The following SPATA17 variants were observed in gnomAD, a reference collection of about 807,000 sequenced individuals.
SPATA17 encodes the protein spermatogenesis associated 17, also known as spermatogenesis-associated protein 17.
In SPATA17, 53 loss-of-function variants were observed where a neutral mutation model predicts 62.2. That is an observed-to-expected ratio of 0.85 (90% confidence interval 0.68 to 1.07). The LOEUF is 1.07. Among genes scored for constraint, SPATA17 ranks in the 50% least tolerant of loss-of-function variants. The pLI is 0.00. For synonymous variants in SPATA17, 146 were observed against 146.8 expected, an observed-to-expected ratio of 0.99 and a Z score of 0.04; for missense variants, 466 against 425.5, an observed-to-expected ratio of 1.10 and a Z score of -0.84.
intron 6 of SPATA17, among the ~76,000 whole-genome samples, chr1:217,768,606 C>G (rs1415575324): frequency 6.6e-6 from 1 of 151,772 alleles, no homozygotes; most frequent in Non-Finnish European, 1.5e-5. Flanking sequence ...ATTCTCCTGC[C>G]TCAGCCTCCT....
chr1:217,656,262 A>G (rs1480050983), intron 3 of SPATA17, among the ~76,000 whole-genome samples: 2 of 152,180 alleles, frequency 1.3e-5, no homozygotes, highest in Non-Finnish European at 2.9e-5. Context: ...TGGAATGTGT[A>G]TTTATTTTAA....
intron 5 of SPATA17, among the ~76,000 whole-genome samples, chr1:217,695,775 G>A (rs1183763578): frequency 1.2e-5 from 1 of 84,838 alleles, no homozygotes; most frequent in African/African-American, 5.1e-5. Flanking sequence ...GTGTGCCCCT[G>A]CTGGGGGGTG....
At chr1:217,732,373 G>A (rs1327697122) in intron 5 of SPATA17, among the ~76,000 whole-genome samples, 1 of 152,154 alleles carries the variant, frequency 6.6e-6, no homozygotes, top group Non-Finnish European at 1.5e-5. Flanking sequence ...TTAGTGGATT[G>A]CATGCAAAAG....
chr1:217,745,996 C>T (rs2102951443), intron 6 of SPATA17, among the ~76,000 whole-genome samples: 1 of 152,078 alleles, frequency 6.6e-6, no homozygotes, highest in Non-Finnish European at 1.5e-5. Context: ...CATGTCTTGG[C>T]TATTGGGGAG....
At chr1:217,794,092 G>C in intron 8 of SPATA17, among the ~76,000 whole-genome samples, 1 of 149,388 alleles carries the variant, frequency 6.7e-6, no homozygotes, top group African/African-American at 2.5e-5. Context: ...CTCCAGCCTG[G>C]GTAACAGAGC....
chr1:217,677,541 G>A (rs1220900042), intron 4 of SPATA17, among the ~76,000 whole-genome samples: 1 of 151,830 alleles, frequency 6.6e-6, no homozygotes, highest in Non-Finnish European at 1.5e-5. Flanking sequence ...ATTGTTCTGG[G>A]CATACAGAAT....
intron 6 of SPATA17, among the ~76,000 whole-genome samples, chr1:217,744,009 GA>G (rs895630807): frequency 6.6e-6 from 1 of 151,538 alleles, no homozygotes; most frequent in African/African-American, 2.4e-5. Context: ...GAAAGTCCAT[GA>G]AGACTCAGTT....
At chr1:217,822,586 G>A (rs188122352) in intron 9 of SPATA17, among the ~76,000 whole-genome samples, 63 of 148,828 alleles carry the variant, frequency 4.2e-4, no homozygotes, top group Non-Finnish European at 7.6e-4. Context: ...ATATTTGCTC[G>A]AATTAGCCAT....
intron 9 of SPATA17, among the ~76,000 whole-genome samples, chr1:217,840,412 AT>A (rs1456337608): frequency 2.0e-5 from 3 of 152,134 alleles, no homozygotes; most frequent in Non-Finnish European, 4.4e-5. Context: ...CTAACCTAGG[AT>A]ATTGATATTA....
intron 6 of SPATA17, among the ~76,000 whole-genome samples, chr1:217,771,027 A>G (rs1211361923): frequency 2.4e-5 from 2 of 83,548 alleles, no homozygotes; most frequent in African/African-American, 4.6e-5. Context: ...ACGAGTCAGA[A>G]TCGTAGCCTT....
chr1:217,850,308 C>A (rs1234328809), intron 9 of SPATA17: 2 of 466,204 alleles, frequency 4.3e-6, no homozygotes, highest in Non-Finnish European at 3.9e-6. Context: ...TCAACTATTA[C>A]TGAAACTTGT....
In SPATA17 at chr1:217,797,545, C is replaced by T. The variant is rs117429659; in HGVS notation, c.873-4173C>T. ...GATTACAGGCATTAGCCACAGCACC[C>T]GGCCTAAATTTACTGCTTTCTATAT... On this transcript the variant is annotated intron_variant, in intron 8 of 10. Transcript: ENST00000366933. Among the ~76,000 whole-genome samples, 157 of 152,076 alleles carry T rather than the reference C, an allele frequency of 1.0e-3. 2 individuals are homozygous for T. In the East Asian group the frequency reaches 0.028, roughly 27 times the overall value.
At chr1:217,845,137 G>A (rs1016951942) in intron 9 of SPATA17, among the ~76,000 whole-genome samples, 3 of 151,992 alleles carry the variant, frequency 2.0e-5, no homozygotes. Context: ...GGTTGAAGCT[G>A]GCAAATATTC....
At chr1:217,647,359 C>T (rs562296382) in intron 1 of SPATA17, among the ~76,000 whole-genome samples, 76 of 152,160 alleles carry the variant, frequency 5.0e-4, no homozygotes, top group Non-Finnish European at 9.9e-4. Flanking sequence ...CATTTCTCAC[C>T]GGGATGGAAT....
rs1676050178 is a variant in SPATA17 at position 217,867,937 on chromosome 1, T to G, written c.*918T>G. ...GACAGGAAATGTGATTTATTGACCA[T>G]AAAAGCTTTAATTTAAAATTGCTGG... On this transcript the variant is annotated 3_prime_UTR_variant, in exon 11 of 11. Coordinates refer to ENST00000366933, the MANE Select transcript of SPATA17 (RefSeq NM_138796.4). The G allele has an allele frequency of 1.3e-5, 2 of 152,140 alleles. No homozygotes were observed. 9.4% of individuals were successfully genotyped at this position (152,140 alleles called of 1,614,324 possible).
chr1:217,732,407 A>G (rs11578064), intron 5 of SPATA17, among the ~76,000 whole-genome samples: 60,481 of 152,020 alleles, frequency 0.4, 12,519 homozygotes, highest in Non-Finnish European at 0.47. Flanking sequence ...TTTTGCTTTA[A>G]AGTGAGGTTA....
At chr1:217,666,432 GA>G (rs1260557193) in intron 3 of SPATA17, among the ~76,000 whole-genome samples, 1 of 151,790 alleles carries the variant, frequency 6.6e-6, no homozygotes, top group Admixed American at 6.6e-5. Context: ...ATCATTTTCA[GA>G]ATGGAAAAAC....
At chr1:217,745,935 G>A (rs1425559253) in intron 6 of SPATA17, among the ~76,000 whole-genome samples, 1 of 151,982 alleles carries the variant, frequency 6.6e-6, no homozygotes, top group Non-Finnish European at 1.5e-5. Flanking sequence ...GGAAGATTCA[G>A]AGAACAAAAG....
intron 5 of SPATA17, among the ~76,000 whole-genome samples, chr1:217,701,327 G>A (rs1292920935): frequency 6.6e-6 from 1 of 150,978 alleles, no homozygotes; most frequent in Non-Finnish European, 1.5e-5. Context: ...GTATATATAT[G>A]TGTGTATATA....
Sources: allele counts gnomAD v4.1 joint callset (sites outside exome capture counted in the v4.1 genomes callset), GRCh38; gene constraint gnomAD v4.1.1; transcripts MANE v1.5; gene names NCBI Gene and HGNC (gene_info 2026-07-23, HGNC 2026-07-21).